The following GRIK4 variants were observed in gnomAD, a reference collection of about 807,000 sequenced individuals.
GRIK4 encodes glutamate receptor ionotropic, kainate 4.
Under a neutral mutation model 104.9 loss-of-function variants are expected in GRIK4, and 40 were observed. The ratio of observed to expected loss-of-function variants is 0.38; its 90% CI spans 0.30 to 0.50. The LOEUF is 0.50. Ranked by LOEUF, GRIK4 falls within the 20% of genes least tolerant of loss-of-function variation. GRIK4 has a pLI of 0.93. For missense variants in GRIK4, 1,047 were observed against 1,308.1 expected, an observed-to-expected ratio of 0.80 and a Z score of 3.08; for synonymous variants, 485 against 524.9, an observed-to-expected ratio of 0.92 and a Z score of 1.04.
intron 1 of GRIK4, among the ~76,000 whole-genome samples, chr11:120,621,048 C>T (rs991349333): frequency 2.0e-5 from 3 of 152,178 alleles, no homozygotes; most frequent in Non-Finnish European, 2.9e-5. Context: ...ATTTAATCTT[C>T]GGGGATGGGT....
chr11:120,594,010 TCTC>T (rs1403461556), intron 1 of GRIK4, among the ~76,000 whole-genome samples: 1 of 152,184 alleles, frequency 6.6e-6, no homozygotes, highest in Non-Finnish European at 1.5e-5. Flanking sequence ...CACCACCATC[TCTC>T]CTCTGACCTA....
At chr11:120,592,343 C>G (rs900909008) in intron 1 of GRIK4, among the ~76,000 whole-genome samples, 1 of 152,210 alleles carries the variant, frequency 6.6e-6, no homozygotes, top group African/African-American at 2.4e-5. Context: ...CACGCCTCTT[C>G]GGAGATGGCC....
chr11:120,862,136 A>C lies in GRIK4; in HGVS notation c.906+16A>C. On this transcript the variant is annotated intron_variant, in intron 9 of 20. Transcript: ENST00000527524. ...TGGGCCTGCGGTAAGTACCCGCCAG[A>C]GCTCTTCCTGGTGCCCCTTGGCCTC... 6.2e-7 allele frequency: 1 copy of C among 1,609,852 alleles called. No homozygotes were observed. Among genetic ancestry groups the C allele is most frequent in the Non-Finnish European group, 8.5e-7 (1 of 1,177,846 alleles).
At chr11:120,708,811 G>T (rs937392847) in intron 3 of GRIK4, among the ~76,000 whole-genome samples, 2 of 152,164 alleles carry the variant, frequency 1.3e-5, no homozygotes, top group Non-Finnish European at 2.9e-5. Flanking sequence ...GGGAGGCCAG[G>T]ACTGCTGCAC....
chr11:120,837,348 C>T (rs1953599952), intron 8 of GRIK4, among the ~76,000 whole-genome samples: 1 of 152,150 alleles, frequency 6.6e-6, no homozygotes, highest in Non-Finnish European at 1.5e-5. Flanking sequence ...AGAGTTGAAA[C>T]AGACCTTAGA....
chr11:120,762,603 A>G (rs1951769750), intron 3 of GRIK4, among the ~76,000 whole-genome samples: 1 of 152,120 alleles, frequency 6.6e-6, no homozygotes, highest in Admixed American at 6.5e-5. Flanking sequence ...TTATTTTGAG[A>G]TACGTTCCAT....
intron 1 of GRIK4, among the ~76,000 whole-genome samples, chr11:120,550,365 TG>T (rs1477440604): frequency 1.1e-4 from 3 of 26,236 alleles, no homozygotes; most frequent in African/African-American, 4.7e-4. Context: ...AGTTGGGGGG[TG>T]GGGTGGGGTT....
chr11:120,548,147 G>T (rs887843130), intron 1 of GRIK4, among the ~76,000 whole-genome samples: 4 of 152,174 alleles, frequency 2.6e-5, no homozygotes, highest in Non-Finnish European at 5.9e-5. Flanking sequence ...TGGACTCTGA[G>T]GCCCACGCTG....
intron 1 of GRIK4, among the ~76,000 whole-genome samples, chr11:120,537,176 G>C (rs573121088): frequency 6.6e-6 from 1 of 152,294 alleles, no homozygotes; most frequent in African/African-American, 2.4e-5. Context: ...GGAGAGCCTA[G>C]CTTATTTATG....
chr11:120,558,062 C>T (rs1948205082), intron 1 of GRIK4, among the ~76,000 whole-genome samples: 1 of 150,638 alleles, frequency 6.6e-6, no homozygotes, highest in South Asian at 2.1e-4. Flanking sequence ...GACAGTGGTC[C>T]TTAGAGTCAG....
chr11:120,530,556 C>A (rs1397383720), intron 1 of GRIK4, among the ~76,000 whole-genome samples: 1 of 152,222 alleles, frequency 6.6e-6, no homozygotes, highest in Non-Finnish European at 1.5e-5. Flanking sequence ...TTTCAAATAT[C>A]TATTTCAGTC....
chr11:120,698,685 G>A (rs1218193960), intron 3 of GRIK4, among the ~76,000 whole-genome samples: 2 of 152,076 alleles, frequency 1.3e-5, no homozygotes, highest in Non-Finnish European at 2.9e-5. Flanking sequence ...GTGGCTTCCT[G>A]TGCTGCCAGT....
chr11:120,929,114 T>C (rs1943425826), intron 13 of GRIK4, among the ~76,000 whole-genome samples: 1 of 152,174 alleles, frequency 6.6e-6, no homozygotes, highest in African/African-American at 2.4e-5. Context: ...TGTTCCTATA[T>C]CCTGGTTCTG....
intron 3 of GRIK4, among the ~76,000 whole-genome samples, chr11:120,778,909 C>T (rs573738599): frequency 6.6e-6 from 1 of 152,316 alleles, no homozygotes; most frequent in East Asian, 1.9e-4. Context: ...GTGTGAGGTG[C>T]CTTTGTGAGT....
intron 3 of GRIK4, among the ~76,000 whole-genome samples, chr11:120,797,056 G>C (rs1237834166): frequency 1.3e-5 from 2 of 152,166 alleles, no homozygotes; most frequent in East Asian, 1.9e-4. Flanking sequence ...GGGGAGAAAG[G>C]CTCAATGGAA....
chr11:120,725,401 G>T (rs145918711), intron 3 of GRIK4, among the ~76,000 whole-genome samples: 1 of 152,220 alleles, frequency 6.6e-6, no homozygotes, highest in Non-Finnish European at 1.5e-5. Flanking sequence ...GCCAGTGACT[G>T]AGATGACTAG....
chr11:120,543,078 G>C (rs1948052753), intron 1 of GRIK4, among the ~76,000 whole-genome samples: 1 of 152,214 alleles, frequency 6.6e-6, no homozygotes, highest in Non-Finnish European at 1.5e-5. Context: ...CCCGTACACT[G>C]TTGGTGGGAA....
intron 1 of GRIK4, among the ~76,000 whole-genome samples, chr11:120,573,636 G>A (rs1188632480): frequency 5.9e-5 from 9 of 152,218 alleles, no homozygotes; most frequent in Admixed American, 5.9e-4. Context: ...GCAGATAGAC[G>A]AGGGCTGGCA....
At chr11:120,755,038 C>T (rs1049192271) in intron 3 of GRIK4, among the ~76,000 whole-genome samples, 67 of 152,186 alleles carry the variant, frequency 4.4e-4, no homozygotes, top group Admixed American at 3.6e-3. Context: ...CAAACGATGT[C>T]AGTGTTAATT....
Sources: allele counts gnomAD v4.1 joint callset (sites outside exome capture counted in the v4.1 genomes callset), GRCh38; gene constraint gnomAD v4.1.1; transcripts MANE v1.5; gene names NCBI Gene and HGNC (gene_info 2026-07-23, HGNC 2026-07-21).